The following DPY19L1 variants were observed in gnomAD, a reference collection of about 807,000 sequenced individuals.
DPY19L1 encodes the protein protein C-mannosyl-transferase DPY19L1.
Under a neutral mutation model 96.9 loss-of-function variants are expected in DPY19L1, and 35 were observed. The ratio of observed to expected loss-of-function variants is 0.36; its 90% CI spans 0.28 to 0.48. The LOEUF is 0.48. DPY19L1 is among the 20% of genes least tolerant of loss of function. The probability of loss-of-function intolerance (pLI) is 0.99; values close to 1 mark genes in which losing one functional copy is unlikely to be tolerated. For synonymous variants in DPY19L1, 205 were observed against 252.6 expected (o/e 0.81, Z 1.79); for missense variants, 521 against 777.9 (o/e 0.67, Z 3.93).
At chr7:34,968,832 C>T (rs1784665606) in intron 9 of DPY19L1, among the ~76,000 whole-genome samples, 2 of 93,402 alleles carry the variant, frequency 2.1e-5, no homozygotes, top group Admixed American at 1.1e-4. Flanking sequence ...TATATCAGTA[C>T]AATAAAAAAA....
At chr7:34,985,942 C>A (rs1379733979) in intron 7 of DPY19L1, among the ~76,000 whole-genome samples, 2 of 151,798 alleles carry the variant, frequency 1.3e-5, no homozygotes, top group African/African-American at 4.8e-5. Flanking sequence ...GGAAAATTTG[C>A]TATACATACA....
intron 7 of DPY19L1, among the ~76,000 whole-genome samples, chr7:34,979,747 A>C (rs969021500): frequency 3.9e-5 from 6 of 152,178 alleles, no homozygotes; most frequent in Non-Finnish European, 7.4e-5. Flanking sequence ...ATATGTGAAA[A>C]ACATTAAACA....
intron 7 of DPY19L1, chr7:34,988,299 T>C (rs1478702855): frequency 6.6e-6 from 1 of 152,118 alleles, no homozygotes; most frequent in African/African-American, 2.4e-5. Context: ...TAACACACAA[T>C]GCTTCTTTCT....
At chr7:34,984,280 C>T (rs1785000925) in intron 7 of DPY19L1, among the ~76,000 whole-genome samples, 1 of 152,100 alleles carries the variant, frequency 6.6e-6, no homozygotes, top group African/African-American at 2.4e-5. Context: ...AACTGAAATG[C>T]CCAGTTGTGA....
At chr7:35,016,991 A>G (rs1785865040) in intron 3 of DPY19L1, among the ~76,000 whole-genome samples, 1 of 151,914 alleles carries the variant, frequency 6.6e-6, no homozygotes. Flanking sequence ...CAAACACATC[A>G]ACTGTTTTTT....
At chr7:35,018,710 T>C (rs1290607202) in intron 1 of DPY19L1, 114 bp from the exon 2 acceptor site, 70 of 930,424 alleles carry the variant, frequency 7.5e-5, no homozygotes, top group Non-Finnish European at 1.1e-4. Flanking sequence ...AAAAGAATAC[T>C]GGGTCTTCAA....
intron 6 of DPY19L1, among the ~76,000 whole-genome samples, chr7:35,005,471 G>C (rs372987659): frequency 2.0e-5 from 3 of 151,296 alleles, no homozygotes; most frequent in South Asian, 2.1e-4. Flanking sequence ...AGACTAGATG[G>C]GGGTAGCAAG....
chr7:34,985,926 T>C (rs1271290179), intron 7 of DPY19L1, among the ~76,000 whole-genome samples: 2 of 151,866 alleles, frequency 1.3e-5, no homozygotes, highest in Non-Finnish European at 2.9e-5. Flanking sequence ...ATAAAGAGAT[T>C]AATAAGGAAA....
chr7:34,953,486 C>G (rs555131170), intron 13 of DPY19L1, among the ~76,000 whole-genome samples: 1 of 152,288 alleles, frequency 6.6e-6, no homozygotes, highest in Admixed American at 6.5e-5. Flanking sequence ...ACTTACCCAC[C>G]TTTCAGCTCT....
At chr7:35,037,718 G>T, upstream of DPY19L1, 3 of 686,972 alleles carry the variant, frequency 4.4e-6, no homozygotes, top group African/African-American at 2.0e-5. Flanking sequence ...CGCCCCCGCC[G>T]CCCCTCTGCG....
At chr7:34,948,630 A>G (rs1021559955) in intron 14 of DPY19L1, among the ~76,000 whole-genome samples, 10 of 152,242 alleles carry the variant, frequency 6.6e-5, no homozygotes, top group African/African-American at 2.4e-4. Context: ...ATACTCTCAG[A>G]CTGTAGCAGT....
chr7:35,005,636 T>TAAA (rs755623073), intron 6 of DPY19L1, among the ~76,000 whole-genome samples: 10 of 84,466 alleles, frequency 1.2e-4, no homozygotes, highest in African/African-American at 1.5e-4. Flanking sequence ...CTGTCTCTAC[T>TAAA]AAAAAAAAAA....
chr7:34,950,883 C>A (rs1282771559), intron 13 of DPY19L1, among the ~76,000 whole-genome samples: 2 of 152,000 alleles, frequency 1.3e-5, no homozygotes, highest in African/African-American at 4.8e-5. Flanking sequence ...GGGACAGATG[C>A]TTAAATTGGA....
intron 1 of DPY19L1, among the ~76,000 whole-genome samples, chr7:35,021,858 C>T (rs1786002461): frequency 6.6e-6 from 1 of 152,026 alleles, no homozygotes; most frequent in South Asian, 2.1e-4. Flanking sequence ...AAAAATGCTG[C>T]AATTCATCTG....
chr7:35,033,200 C>T (rs1294095920), intron 1 of DPY19L1, among the ~76,000 whole-genome samples: 6 of 152,208 alleles, frequency 3.9e-5, no homozygotes, highest in Non-Finnish European at 8.8e-5. Context: ...CTCTTCTGTT[C>T]GGCTGACATC....
chr7:34,982,048 T>C (rs997545827), intron 7 of DPY19L1, among the ~76,000 whole-genome samples: 3 of 152,148 alleles, frequency 2.0e-5, no homozygotes, highest in African/African-American at 4.8e-5. Flanking sequence ...ACAAAATAAT[T>C]AGACTCCTCA....
chr7:34,970,924 C>A (rs1784713189), intron 8 of DPY19L1, among the ~76,000 whole-genome samples: 1 of 151,086 alleles, frequency 6.6e-6, no homozygotes, highest in Non-Finnish European at 1.5e-5. Flanking sequence ...AACTGAATTT[C>A]TAAAAATGCT....
At chr7:35,026,350 G>A (rs1438341878) in intron 1 of DPY19L1, among the ~76,000 whole-genome samples, 1 of 152,160 alleles carries the variant, frequency 6.6e-6, no homozygotes, top group African/African-American at 2.4e-5. Context: ...ACACTTTAAA[G>A]AGCAGTGTCT....
intron 13 of DPY19L1, among the ~76,000 whole-genome samples, chr7:34,954,139 T>C (rs369150617): frequency 2.6e-5 from 4 of 152,274 alleles, no homozygotes; most frequent in South Asian, 2.1e-4. Context: ...CAAAATAAAA[T>C]AGGCAAAGCA....
Sources: allele counts gnomAD v4.1 joint callset (sites outside exome capture counted in the v4.1 genomes callset), GRCh38; gene constraint gnomAD v4.1.1; transcripts MANE v1.5; gene names NCBI Gene and HGNC (gene_info 2026-07-23, HGNC 2026-07-21).